ACACA: variants seen among roughly 807,000 people sequenced by gnomAD.
The protein encoded by ACACA is acetyl-CoA carboxylase 1.
A neutral mutation model predicts 296.1 loss-of-function variants in ACACA; 103 were observed. That is an observed-to-expected ratio of 0.35 (90% CI 0.30 to 0.41). ACACA has a LOEUF of 0.41. ACACA is among the 10% of genes least tolerant of loss of function. The pLI, the probability that ACACA is intolerant of heterozygous loss-of-function variation, is 1.00. For synonymous variants in ACACA, 953 were observed against 1,038.6 expected (o/e 0.92, Z 1.58); for missense variants, 1,554 against 2,989.7 (o/e 0.52, Z 11.20).
At chr17:37,319,622 A>G (rs2147104700) in intron 3 of ACACA, among the ~76,000 whole-genome samples, 1 of 152,098 alleles carries the variant, frequency 6.6e-6, no homozygotes, top group East Asian at 1.9e-4. Flanking sequence ...CAGGAGTTCA[A>G]GACCACCCTG....
In ACACA at chr17:37,161,960, G is replaced by A. The variant is rs1415543228; in HGVS notation, c.5170C>T (p.Arg1724Ter). Residue 1724 changes from arginine (R) to a stop codon, truncating the protein, a stop_gained, in exon 42 of 56, where the codon CGA (arginine) becomes TGA (stop). Coordinates refer to ENST00000616317, the MANE Select transcript of ACACA (RefSeq NM_198834.3). LOFTEE classifies it high-confidence loss of function. ...TCTTGAGGCCCAAAGGACCCAATTC[G>A]GTATGTGATGTCATTGCCAATAACA... ...IIVIGNDITY[R>*]IGSFGPQEDL... 1 of 1,614,130 alleles carries A rather than the reference G, an allele frequency of 6.2e-7. No individual in the cohort carries two copies. The highest frequency in any genetic ancestry group is 8.5e-7 in the Non-Finnish European group (1 of 1,180,012).
chr17:37,156,053 CTTTTTTTTTTTTTTT>C (rs60787242), intron 42 of ACACA, among the ~76,000 whole-genome samples: 2 of 94,006 alleles, frequency 2.1e-5, no homozygotes, highest in African/African-American at 4.4e-5. Flanking sequence ...TTCTTTCTTT[CTTTTTTTTTTTTTTT>C]TTTTTTTTTT....
At chr17:37,241,282 C>T (rs2080389162) in intron 23 of ACACA, among the ~76,000 whole-genome samples, 1 of 152,062 alleles carries the variant, frequency 6.6e-6, no homozygotes, top group African/African-American at 2.4e-5. Context: ...ATTACTTTTG[C>T]ACCAACCTAA....
chr17:37,322,423 G>T (rs1418291407), intron 3 of ACACA, among the ~76,000 whole-genome samples: 3 of 152,154 alleles, frequency 2.0e-5, no homozygotes, highest in Non-Finnish European at 4.4e-5. Context: ...AGAGAAAATT[G>T]AGATCAAGTT....
chr17:37,348,700 C>T (rs2048741964), intron 1 of ACACA, among the ~76,000 whole-genome samples: 1 of 151,848 alleles, frequency 6.6e-6, no homozygotes, highest in Admixed American at 6.6e-5. Flanking sequence ...GCTATACGGG[C>T]GCGGTAATTC....
Position 37,310,215 on chromosome 17 carries a change from A to G in ACACA, c.338+19958T>C, listed in dbSNP as rs140219156. 1.4e-3 allele frequency among the ~76,000 whole-genome samples: 214 copies of G among 152,320 alleles called. 1 individual carries two copies. Among genetic ancestry groups the G allele is most frequent in the African/African-American group, 4.9e-3 (205 of 41,580 alleles). ...GATTGCAAGTGAAGGTACTGGGGTC[A>G]ATACTGGAGATAGAATCAACCAAAC... On this transcript the variant is annotated intron_variant, in intron 3 of 55. Transcript: ENST00000616317.
rs760603191 is a variant in ACACA, at chr17:37,161,986, A to G, written c.5144T>C (p.Ile1715Thr). 2 of 1,614,216 alleles carry G rather than the reference A, an allele frequency of 1.2e-6. No homozygotes were observed. The highest frequency in any genetic ancestry group is 2.2e-5 in the East Asian group (1 of 44,888). Residue 1715 changes from isoleucine (I) to threonine (T), a missense_variant, in exon 42 of 56, where the codon ATT (isoleucine) becomes ACT (threonine). Around this residue, in one of 16 missense-constraint regions of ACACA, gnomAD observed 553 missense variants for 1,043.6 expected, o/e 0.53. Transcript: ENST00000616317. ...GTATGTGATGTCATTGCCAATAACA[A>G]TGATATCTCGGCCTTCTGGATATTC... ...SPEYPEGRDI[I>T]VIGNDITYRI...
intron 28 of ACACA, 79 bp downstream of exon 28, chr17:37,223,432 CT>C (rs2079386961): frequency 8.5e-7 from 1 of 1,174,780 alleles, no homozygotes; most frequent in Non-Finnish European, 1.3e-6. Context: ...AGAACTAGAA[CT>C]GACATGGCAG....
chr17:37,167,294 CAG>C (rs1290719152), intron 41 of ACACA, among the ~76,000 whole-genome samples: 3 of 114,486 alleles, frequency 2.6e-5, no homozygotes, highest in African/African-American at 1.1e-4. Context: ...TTTTTTGAGA[CAG>C]AGTCTCAGGC....
At position 37,323,965 on chromosome 17, in the gene ACACA, G is replaced by A. The variant is rs569626985; in HGVS notation, c.338+6208C>T. ...ATCAAAATTAAGATGTCCACTGGCC[G>A]GGCGCCTGTAATCCCAGCACTTTGG... On this transcript the variant is annotated intron_variant, in intron 3 of 55. Transcript: ENST00000616317. Among the ~76,000 whole-genome samples the A allele has an allele frequency of 9.2e-5, 14 of 152,244 alleles. No individual in the cohort carries two copies. In the East Asian group the frequency reaches 2.7e-3, roughly 29 times the overall value.
At chr17:37,217,909 G>T (rs1190219211) in intron 29 of ACACA, among the ~76,000 whole-genome samples, 1 of 151,132 alleles carries the variant, frequency 6.6e-6, no homozygotes, top group Non-Finnish European at 1.5e-5. Flanking sequence ...CTATGGGAGG[G>T]GAAAAAAAAA....
Position 37,210,466 on chromosome 17 carries a change from C to G in ACACA, c.3707+1G>C. On this transcript the variant is annotated splice_donor_variant, in intron 30 of 55. Coordinates refer to ENST00000616317, the MANE Select transcript of ACACA (RefSeq NM_198834.3). LOFTEE classifies it high-confidence loss of function. ...TGGAAAAGAAACTAAACATACGGTA[C>G]CTGTTTAGCGTAGGGATGTTCCCTC... The G allele has an allele frequency of 6.2e-7, 1 of 1,611,802 alleles. No homozygotes were observed. The highest frequency in any genetic ancestry group is 8.5e-7 in the Non-Finnish European group (1 of 1,178,364).
Position 37,205,883 on chromosome 17 carries a change from A to G in ACACA, c.3949-11T>C, listed in dbSNP as rs376964389. On this transcript the variant is annotated splice_polypyrimidine_tract_variant and intron_variant, in intron 32 of 55. Coordinates refer to ENST00000616317, the MANE Select transcript of ACACA (RefSeq NM_198834.3). ...TTCATCCCTGGGAACCTGTAACTCA[A>G]GAACACAAGTCAAAGAAATTATGAG... 1.9e-6 allele frequency: 3 copies of G among 1,596,704 alleles called. No individual in the cohort carries two copies. The highest frequency in any genetic ancestry group is 2.2e-5 in the South Asian group (2 of 90,818).
Position 37,113,040 on chromosome 17 carries a change from C to CT in ACACA, c.6452+47dup. 6.2e-7 allele frequency: 1 copy of CT among 1,610,450 alleles called. No homozygotes were observed. Among genetic ancestry groups the CT allele is most frequent in the Non-Finnish European group, 8.5e-7 (1 of 1,177,790 alleles). On this transcript the variant is annotated intron_variant, in intron 51 of 55. Coordinates refer to ENST00000616317, the MANE Select transcript of ACACA (RefSeq NM_198834.3). The surrounding 1 kb of genome is among the most constrained non-coding windows in gnomAD (Gnocchi z 4.0). The stretch of plus-strand genomic sequence containing the variant: ...ACATTCTCCAGGAGGAAACCAACAG[C>CT]TACAGGGTCCCTAAAGGCAGTGAAT...
At chr17:37,129,271 G>C in intron 47 of ACACA, 94 bp downstream of exon 47, 2 of 1,538,750 alleles carry the variant, frequency 1.3e-6, no homozygotes, top group South Asian at 2.3e-5. Context: ...TGTTTTCTTA[G>C]TCACATGTGA....
chr17:37,366,404 T>G (rs1489137420), intron 1 of ACACA, among the ~76,000 whole-genome samples: 1 of 152,150 alleles, frequency 6.6e-6, no homozygotes. Context: ...TTTTATCCTT[T>G]TAATACCTTG....
intron 3 of ACACA, chr17:37,328,768 AC>A (rs2047730354): frequency 2.5e-6 from 1 of 397,486 alleles, no homozygotes; most frequent in Non-Finnish European, 4.4e-6. Context: ...AACAACAGCC[AC>A]CCTAACTTAT....
At position 37,179,349 on chromosome 17, in the gene ACACA, G is replaced by A; in HGVS notation, c.4990C>T (p.Leu1664=). The stretch of plus-strand genomic sequence containing the variant: ...GTGTAAGTCAGCATGTCAGAAGGCA[G>A]AGGGGGAGATGGAAGAAATGCTTGA... ...STQAFLPSPP[L]PSDMLTYTEL... is the part of the protein sequence containing the mutation. The change falls in exon 41 of 56, where the codon CTG becomes TTG. Residue 1664 remains leucine (L), a synonymous_variant. Coordinates refer to ENST00000616317, the MANE Select transcript of ACACA (RefSeq NM_198834.3). 6.2e-7 allele frequency: 1 copy of A among 1,614,194 alleles called. No individual in the cohort carries two copies. Among genetic ancestry groups the A allele is most frequent in the Non-Finnish European group, 8.5e-7 (1 of 1,180,020 alleles).
chr17:37,218,194 A>C (rs1266939356), intron 29 of ACACA, among the ~76,000 whole-genome samples: 1 of 149,558 alleles, frequency 6.7e-6, no homozygotes, highest in East Asian at 2.0e-4. Flanking sequence ...TGTCCTAATT[A>C]ATTTTTGGTC....
Sources: allele counts gnomAD v4.1 joint callset (sites outside exome capture counted in the v4.1 genomes callset), GRCh38; gene constraint gnomAD v4.1.1; regional missense constraint gnomAD v4.1.1; non-coding constraint Gnocchi (gnomAD v3.1); transcripts MANE v1.5; gene names NCBI Gene and HGNC (gene_info 2026-07-23, HGNC 2026-07-21).